Variants in AKR1C3 observed in about 807,000 individuals in gnomAD.
The protein encoded by AKR1C3 is 3-alpha hydroxysteroid dehydrogenase, type II.
In AKR1C3, 48 loss-of-function variants were observed where a neutral mutation model predicts 43.6. The ratio of observed to expected loss-of-function variants is 1.10; its 90% CI spans 0.87 to 1.40. The LOEUF is 1.40. AKR1C3 is among the 40% of genes most tolerant of loss of function. The pLI, the probability that AKR1C3 is intolerant of heterozygous loss-of-function variation, is 0.00. For synonymous variants in AKR1C3, 162 were observed against 139.6 expected, an observed-to-expected ratio of 1.16 and a Z score of -1.13; for missense variants, 482 against 391.2, an observed-to-expected ratio of 1.23 and a Z score of -1.96.
At chr10:5,095,632 A>G (rs1212947510) in intron 1 of AKR1C3, among the ~76,000 whole-genome samples, 1 of 152,156 alleles carries the variant, frequency 6.6e-6, no homozygotes, top group Non-Finnish European at 1.5e-5. Context: ...ATACCTTTCA[A>G]ATCTTTATCC....
intron 1 of AKR1C3, among the ~76,000 whole-genome samples, chr10:5,066,882 A>G (rs1163922450): frequency 2.0e-5 from 3 of 152,172 alleles, no homozygotes; most frequent in Admixed American, 6.5e-5. Context: ...AAAATTTGCT[A>G]TAGAGCATAT....
rs377420946 is a variant in AKR1C3, at chr10:5,107,555, C to T, written c.*52C>T. The T allele has an allele frequency of 2.8e-4, 388 of 1,409,394 alleles. 3 individuals carry two copies. The African/African-American group carries it at 3.6e-3, about 13-fold the overall frequency. 87.3% of individuals were successfully genotyped at this position (1,409,394 alleles called of 1,614,324 possible). A position where few individuals can be genotyped will look rare whatever the true frequency, so the allele number is the denominator to read the frequency against. On this transcript the variant is annotated 3_prime_UTR_variant, in exon 9 of 9. Transcript: ENST00000380554. Reference sequence around the variant, plus strand: ...CAGAAGCCCTGTGTGTGGATGGTGACGCAGAGGACGTCTCTATGCCGGTGA... The same window carrying T: ...CAGAAGCCCTGTGTGTGGATGGTGATGCAGAGGACGTCTCTATGCCGGTGA...
rs1554781752 is a variant in AKR1C3 at position 5,075,713 on chromosome 10, A to T, written c.85-20697A>T. On this transcript the variant is annotated intron_variant, in intron 1 of 8. Transcript: ENST00000439082. ...AACGTGAAGAAACCCTGTCTCTACT[A>T]AAAATACAAAATTAGCCGGGCATGG... Among the ~76,000 whole-genome samples the T allele has an allele frequency of 2.0e-5, 3 of 152,252 alleles. No homozygotes were observed. In the East Asian group the frequency reaches 5.8e-4, roughly 29 times the overall value.
intron 1 of AKR1C3, chr10:5,077,946 A>G (rs1419171028): frequency 3.0e-6 from 2 of 659,868 alleles, no homozygotes; most frequent in African/African-American, 1.9e-5. Flanking sequence ...TCTTCAGCCA[A>G]CAACTGTTCA....
intron 8 of AKR1C3, among the ~76,000 whole-genome samples, chr10:5,107,012 C>A (rs1839520082): frequency 6.6e-6 from 1 of 152,072 alleles, no homozygotes; most frequent in Admixed American, 6.6e-5. Context: ...TTTATCTGTT[C>A]CTTTATATTT....
chr10:5,103,622 A>T (rs1839414851), intron 7 of AKR1C3, among the ~76,000 whole-genome samples: 1 of 152,100 alleles, frequency 6.6e-6, no homozygotes, highest in African/African-American at 2.4e-5. Flanking sequence ...TCTCCTCCAT[A>T]TAGTTCATCC....
At chr10:5,078,606 G>A (rs1001218767) in intron 1 of AKR1C3, among the ~76,000 whole-genome samples, 10 of 152,154 alleles carry the variant, frequency 6.6e-5, no homozygotes, top group East Asian at 3.9e-4. Context: ...GTACCTGTTC[G>A]TGAGTTGATT....
At chr10:5,087,194 A>T (rs1838986017) in intron 1 of AKR1C3, among the ~76,000 whole-genome samples, 1 of 152,168 alleles carries the variant, frequency 6.6e-6, no homozygotes, top group Non-Finnish European at 1.5e-5. Context: ...ATGTTTTTGC[A>T]GTGGCTGGTA....
intron 1 of AKR1C3, among the ~76,000 whole-genome samples, chr10:5,069,504 C>A (rs1457686225): frequency 2.0e-5 from 3 of 152,188 alleles, no homozygotes; most frequent in Non-Finnish European, 4.4e-5. Flanking sequence ...TCTTTTCCAG[C>A]ACATTTTGCC....
chr10:5,105,780 G>A, intron 8 of AKR1C3, 103 bp downstream of exon 8: 1 of 848,934 alleles, frequency 1.2e-6, no homozygotes, highest in Non-Finnish European at 1.9e-6. Flanking sequence ...AGGCCAATGT[G>A]AGTCAGAGGT....
intron 1 of AKR1C3, among the ~76,000 whole-genome samples, chr10:5,087,727 TTAGC>T (rs1452165104): frequency 1.3e-5 from 2 of 152,054 alleles, no homozygotes; most frequent in Non-Finnish European, 2.9e-5. Context: ...TTTTTCTTTG[TTAGC>T]TAGCTGACTA....
chr10:5,077,688 T>C lies in AKR1C3; in HGVS notation c.85-18722T>C, dbSNP rs1334221616. ...AAATGGCAGGATGGTTTGCTTGCCA[T>C]TGAAACTAACCAAACATTTAATCCT... On this transcript the variant is annotated intron_variant, in intron 1 of 8. Transcript: ENST00000439082. 3.6e-6 allele frequency: 4 copies of C among 1,120,710 alleles called. No individual in the cohort carries two copies. In the Admixed American group the frequency reaches 2.0e-4, roughly 55 times the overall value. 69.4% of individuals were successfully genotyped at this position (1,120,710 alleles called of 1,614,324 possible).
chr10:5,105,480 A>C (rs1209929688), intron 7 of AKR1C3, 115 bp from the exon 8 acceptor site: 19 of 745,894 alleles, frequency 2.5e-5, no homozygotes, highest in Non-Finnish European at 2.6e-5. Context: ...TGACTTCTAT[A>C]ACTGTTTAAA....
chr10:5,103,950 T>C (rs1400398794), intron 7 of AKR1C3, among the ~76,000 whole-genome samples: 1 of 151,958 alleles, frequency 6.6e-6, no homozygotes, highest in Non-Finnish European at 1.5e-5. Context: ...ATATATATAT[T>C]ATAGTTTAAT....
At chr10:5,069,253 G>A (rs1838569514) in intron 1 of AKR1C3, among the ~76,000 whole-genome samples, 1 of 152,132 alleles carries the variant, frequency 6.6e-6, no homozygotes, top group Non-Finnish European at 1.5e-5. Context: ...CTCCCTGAGT[G>A]GCCCTAGGGA....
intron 1 of AKR1C3, among the ~76,000 whole-genome samples, chr10:5,085,755 C>G (rs1302884478): frequency 6.6e-6 from 1 of 151,732 alleles, no homozygotes; most frequent in African/African-American, 2.4e-5. Flanking sequence ...ACTTCAGAGC[C>G]TGTTATTGGT....
chr10:5,074,733 C>G (rs1055426316), intron 1 of AKR1C3, among the ~76,000 whole-genome samples: 1 of 152,068 alleles, frequency 6.6e-6, no homozygotes, highest in Non-Finnish European at 1.5e-5. Flanking sequence ...GAAAGGCTAC[C>G]CACCTCCCCC....
chr10:5,056,617 C>T (rs1015276942), intron 1 of AKR1C3, among the ~76,000 whole-genome samples: 1 of 152,144 alleles, frequency 6.6e-6, no homozygotes, highest in Non-Finnish European at 1.5e-5. Context: ...GATCCTTTAA[C>T]CTGATTTGGA....
At chr10:5,071,802 C>T (rs1464260560) in intron 1 of AKR1C3, among the ~76,000 whole-genome samples, 3 of 152,222 alleles carry the variant, frequency 2.0e-5, no homozygotes, top group Non-Finnish European at 4.4e-5. Context: ...AGGGACTAAT[C>T]ACATGGCCCA....
Sources: allele counts gnomAD v4.1 joint callset (sites outside exome capture counted in the v4.1 genomes callset), GRCh38; gene constraint gnomAD v4.1.1; transcripts MANE v1.5; gene names NCBI Gene and HGNC (gene_info 2026-07-23, HGNC 2026-07-21).